EYS: variants seen among roughly 807,000 people sequenced by gnomAD.
The protein encoded by EYS is protein eyes shut homolog.
EYS carries 250 observed loss-of-function variants against 282.1 expected under a neutral mutation model. That is an observed-to-expected ratio of 0.89 (90% CI 0.80 to 0.98). EYS has a LOEUF of 0.98. EYS is among the 50% of genes least tolerant of loss of function. EYS has a pLI of 0.00. For synonymous variants in EYS, 1,355 were observed against 1,282.9 expected (o/e 1.06, Z -1.20); for missense variants, 4,016 against 3,709.0 (o/e 1.08, Z -2.15).
chr6:65,441,797 C>T (rs1768338362), intron 5 of EYS, among the ~76,000 whole-genome samples: 1 of 152,028 alleles, frequency 6.6e-6, no homozygotes, highest in African/African-American at 2.4e-5. Context: ...GAGGAGGACA[C>T]TGAGAACCAG....
chr6:64,324,825 C>T (rs939810332), intron 29 of EYS, among the ~76,000 whole-genome samples: 3 of 152,072 alleles, frequency 2.0e-5, no homozygotes, highest in African/African-American at 7.2e-5. Context: ...TCAATAACAT[C>T]CAGGCTGAGA....
At chr6:64,188,389 C>T (rs963385035) in intron 31 of EYS, among the ~76,000 whole-genome samples, 2 of 151,986 alleles carry the variant, frequency 1.3e-5, no homozygotes, top group African/African-American at 4.8e-5. Context: ...ACTAGGGTTG[C>T]AATATTTAGC....
chr6:64,752,078 A>C (rs73448421), intron 22 of EYS, among the ~76,000 whole-genome samples: 10,765 of 151,688 alleles, frequency 0.071, 721 homozygotes, highest in African/African-American at 0.17. Context: ...AACCAACCAA[A>C]CAAACAAACA....
chr6:65,311,682 T>C (rs1769164965), intron 11 of EYS, among the ~76,000 whole-genome samples: 1 of 152,250 alleles, frequency 6.6e-6, no homozygotes, highest in South Asian at 2.1e-4. Flanking sequence ...TGAGTAATGA[T>C]AACTGTCAGG....
chr6:65,312,442 A>G lies in EYS; in HGVS notation c.1767-16323T>C, dbSNP rs149375508. Among the ~76,000 whole-genome samples the G allele has an allele frequency of 4.7e-3, 715 of 152,236 alleles. 7 individuals carry two copies. The highest frequency in any genetic ancestry group is 0.016 in the African/African-American group (671 of 41,520). ...GCCGTCACTCGCATAGGTCACTTCC[A>G]TGGCCCCATGCCTAATTTTGTATTC... On this transcript the variant is annotated intron_variant, in intron 11 of 42. Transcript: ENST00000503581.
In EYS at chr6:65,632,271, C is replaced by T. The variant is rs531614867; in HGVS notation, c.-333+7507G>A. Among the ~76,000 whole-genome samples the T allele has an allele frequency of 1.1e-4, 16 of 152,278 alleles. 2 individuals are homozygous for T. In the South Asian group the frequency reaches 3.3e-3, roughly 32 times the overall value. Reference sequence around the variant, plus strand: ...GGATGCTTTATAGGTACCAGATTTTCTCTGCTCGTTCATCAGTAGACAGAT... The same window carrying T: ...GGATGCTTTATAGGTACCAGATTTTTTCTGCTCGTTCATCAGTAGACAGAT... On this transcript the variant is annotated intron_variant, in intron 2 of 42. Transcript: ENST00000503581.
At chr6:64,118,985 C>A (rs1308111729) in intron 31 of EYS, among the ~76,000 whole-genome samples, 10 of 152,024 alleles carry the variant, frequency 6.6e-5, no homozygotes, top group Non-Finnish European at 5.9e-5. Context: ...AAATTAAAAT[C>A]ACAATGAGAT....
chr6:64,163,606 T>C (rs1775175955), intron 31 of EYS, among the ~76,000 whole-genome samples: 1 of 152,130 alleles, frequency 6.6e-6, no homozygotes, highest in Non-Finnish European at 1.5e-5. Context: ...CGTTTAGCTA[T>C]TATGTGAAGA....
At chr6:64,829,898 G>A (rs1765165702) in intron 19 of EYS, among the ~76,000 whole-genome samples, 1 of 151,882 alleles carries the variant, frequency 6.6e-6, no homozygotes, top group Non-Finnish European at 1.5e-5. Flanking sequence ...GATTACCAGG[G>A]GAGGGACCCT....
Position 64,393,706 on chromosome 6 carries a change from C to T in EYS, c.5928-4866G>A, listed in dbSNP as rs952650059. ...AATGGGCAAAAACTGGAAGCATTCCCTTTGAAAACTGGCACAAGACAGGGA... is the reference window on the plus strand; with the variant it reads ...AATGGGCAAAAACTGGAAGCATTCCTTTTGAAAACTGGCACAAGACAGGGA... On this transcript the variant is annotated intron_variant, in intron 28 of 42. Transcript: ENST00000503581. Among the ~76,000 whole-genome samples, 12 of 151,328 alleles carry T rather than the reference C, an allele frequency of 7.9e-5. No individual in the cohort carries two copies. The South Asian group carries it at 1.3e-3, about 16-fold the overall frequency.
chr6:65,324,671 A>G (rs1174547548), intron 11 of EYS, among the ~76,000 whole-genome samples: 1 of 152,240 alleles, frequency 6.6e-6, no homozygotes, highest in African/African-American at 2.4e-5. Flanking sequence ...GAAAGAGGAC[A>G]TGAGACCATT....
chr6:64,107,513 C>T (rs1053508756), intron 31 of EYS, among the ~76,000 whole-genome samples: 1 of 151,460 alleles, frequency 6.6e-6, no homozygotes, highest in Admixed American at 6.6e-5. Context: ...CATTTTTCTG[C>T]CTACCTTATA....
At chr6:64,195,138 T>G (rs1359311187) in intron 31 of EYS, among the ~76,000 whole-genome samples, 4 of 152,218 alleles carry the variant, frequency 2.6e-5, no homozygotes, top group African/African-American at 9.6e-5. Flanking sequence ...CACTGTTTTT[T>G]GCATATTAGA....
intron 26 of EYS, among the ~76,000 whole-genome samples, chr6:64,453,998 A>T (rs930690371): frequency 6.6e-6 from 1 of 152,102 alleles, no homozygotes; most frequent in Non-Finnish European, 1.5e-5. Flanking sequence ...CCTAAAACTT[A>T]AAGTATAATA....
chr6:64,479,627 G>C (rs1776375855), intron 26 of EYS, among the ~76,000 whole-genome samples: 1 of 151,748 alleles, frequency 6.6e-6, no homozygotes, highest in South Asian at 2.1e-4. Flanking sequence ...CCTTGCCTTA[G>C]TCTACAGTAC....
intron 13 of EYS, among the ~76,000 whole-genome samples, chr6:65,049,207 G>A (rs1046708623): frequency 2.6e-5 from 4 of 151,572 alleles, no homozygotes; most frequent in Non-Finnish European, 4.4e-5. Context: ...TAATGACTTC[G>A]CATTGCCCCT....
At chr6:64,396,061 C>G (rs1330054036) in intron 28 of EYS, among the ~76,000 whole-genome samples, 1 of 152,080 alleles carries the variant, frequency 6.6e-6, no homozygotes, top group East Asian at 1.9e-4. Context: ...CACAAGCATG[C>G]ACACACATGC....
At chr6:64,546,129 A>G (rs929068790) in intron 26 of EYS, among the ~76,000 whole-genome samples, 3 of 152,232 alleles carry the variant, frequency 2.0e-5, no homozygotes, top group Non-Finnish European at 4.4e-5. Flanking sequence ...CTATACTACA[A>G]GGGTACAGTA....
chr6:65,596,342 A>AT (rs11443686), intron 2 of EYS, among the ~76,000 whole-genome samples: 151,618 of 152,206 alleles, frequency 1, 75,515 homozygotes, highest in East Asian at 1. Context: ...ATAACTAATA[A>AT]TTATATTTTG....
Sources: gnomAD v4.1 joint callset for allele counts (sites outside exome capture counted in the v4.1 genomes callset) on GRCh38, gnomAD v4.1.1 for gene constraint, MANE v1.5 for transcripts, NCBI Gene and HGNC (gene_info 2026-07-23, HGNC 2026-07-21) for gene names.